NLN: variants seen among roughly 807,000 people sequenced by gnomAD.
NLN encodes the protein neurolysin.
In NLN, 64 loss-of-function variants were observed where a neutral mutation model predicts 79.9. The ratio of observed to expected loss-of-function variants is 0.80; its 90% confidence interval spans 0.65 to 0.99. The LOEUF (loss-of-function observed/expected upper bound fraction) is 0.99, where lower values mean the gene tolerates loss of function less well. Among genes scored for constraint, NLN ranks in the 50% least tolerant of loss-of-function variants. The probability of loss-of-function intolerance (pLI) is 0.00; values close to 1 mark genes in which losing one functional copy is unlikely to be tolerated. For synonymous variants in NLN, 267 were observed against 296.6 expected, an observed-to-expected ratio of 0.90 and a Z score of 1.02; for missense variants, 835 against 858.7, an observed-to-expected ratio of 0.97 and a Z score of 0.34.
At chr5:65,762,030 T>G (rs1326162451) in intron 2 of NLN, among the ~76,000 whole-genome samples, 1 of 152,222 alleles carries the variant, frequency 6.6e-6, no homozygotes, top group Non-Finnish European at 1.5e-5. Flanking sequence ...TAGTATTGGT[T>G]ATTTCACTGA....
At chr5:65,794,271 A>G (rs1760124746) in intron 9 of NLN, among the ~76,000 whole-genome samples, 1 of 152,192 alleles carries the variant, frequency 6.6e-6, no homozygotes, top group Admixed American at 6.5e-5. Flanking sequence ...CAACTTACAC[A>G]GTAGATCCTA....
rs892758620 is a variant in NLN, at chr5:65,827,301, G to A, written c.*4386G>A. 7 of 152,060 alleles carry A rather than the reference G, an allele frequency of 4.6e-5. No homozygotes were observed. Among genetic ancestry groups the A allele is most frequent in the East Asian group, 1.9e-4 (1 of 5,198 alleles). 9.4% of individuals were successfully genotyped at this position (152,060 alleles called of 1,614,324 possible). A position where few individuals can be genotyped will look rare whatever the true frequency, so the allele number is the denominator to read the frequency against. On this transcript the variant is annotated 3_prime_UTR_variant, in exon 13 of 13. Coordinates refer to ENST00000380985, the MANE Select transcript of NLN (RefSeq NM_020726.5). The stretch of plus-strand genomic sequence containing the variant: ...TCAACACATCTAGTCCACGATGTAC[G>A]TACAAGGGGAAGGGGTGAACAGGAA...
chr5:65,755,863 C>CT (rs1393025453), intron 1 of NLN, among the ~76,000 whole-genome samples: 2 of 152,142 alleles, frequency 1.3e-5, no homozygotes, highest in Non-Finnish European at 2.9e-5. Context: ...GCCTCAGCCT[C>CT]TTTTAGCTAC....
intron 1 of NLN, among the ~76,000 whole-genome samples, chr5:65,745,599 T>A (rs1758960077): frequency 6.6e-6 from 1 of 152,190 alleles, no homozygotes; most frequent in African/African-American, 2.4e-5. Flanking sequence ...TGGTGTAGTG[T>A]CTTGCAAAGG....
intron 1 of NLN, among the ~76,000 whole-genome samples, chr5:65,751,021 A>G (rs1759090306): frequency 6.6e-6 from 1 of 152,232 alleles, no homozygotes; most frequent in Admixed American, 6.5e-5. Context: ...CTGATGTAAT[A>G]GCCACACAAG....
At chr5:65,780,144 A>G (rs201331201) in intron 4 of NLN, 35 bp from the exon 5 acceptor site, 3 of 860,118 alleles carry the variant, frequency 3.5e-6, no homozygotes, top group Non-Finnish European at 5.8e-6. Flanking sequence ...GTTTCTTTTT[A>G]TTGCTAATGC....
At chr5:65,794,716 A>G (rs1760134810) in intron 9 of NLN, among the ~76,000 whole-genome samples, 1 of 152,212 alleles carries the variant, frequency 6.6e-6, no homozygotes, top group Non-Finnish European at 1.5e-5. Flanking sequence ...GGTATGAATG[A>G]CGAGCAGGAT....
At chr5:65,760,940 G>A (rs1473113284) in intron 2 of NLN, among the ~76,000 whole-genome samples, 2 of 152,132 alleles carry the variant, frequency 1.3e-5, no homozygotes, top group East Asian at 1.9e-4. Context: ...ATTTATTTTT[G>A]TGGGTTAATT....
intron 9 of NLN, among the ~76,000 whole-genome samples, chr5:65,803,902 C>T (rs1346837692): frequency 6.6e-6 from 1 of 152,244 alleles, no homozygotes; most frequent in Admixed American, 6.5e-5. Flanking sequence ...GATGGGCCAC[C>T]ACTGCCATCA....
At chr5:65,811,507 A>T (rs1760544070) in intron 11 of NLN, among the ~76,000 whole-genome samples, 1 of 151,666 alleles carries the variant, frequency 6.6e-6, no homozygotes, top group South Asian at 2.1e-4. Flanking sequence ...CCCTACAGGT[A>T]GATTGAATTG....
At chr5:65,751,405 T>C (rs982505092) in intron 1 of NLN, among the ~76,000 whole-genome samples, 1 of 152,232 alleles carries the variant, frequency 6.6e-6, no homozygotes, top group Non-Finnish European at 1.5e-5. Context: ...TCCCATCTTG[T>C]TTCAAGTATA....
chr5:65,751,535 A>G (rs1759102170), intron 1 of NLN, among the ~76,000 whole-genome samples: 1 of 152,204 alleles, frequency 6.6e-6, no homozygotes, highest in Non-Finnish European at 1.5e-5. Flanking sequence ...TATAAAACAA[A>G]CTAATTGAAT....
chr5:65,770,142 G>T (rs1054067768), intron 3 of NLN, among the ~76,000 whole-genome samples: 2 of 152,172 alleles, frequency 1.3e-5, no homozygotes, highest in African/African-American at 4.8e-5. Flanking sequence ...TGATATCTGG[G>T]CAGGGATATA....
chr5:65,809,960 G>A (rs922073825), intron 10 of NLN, 77 bp from the exon 11 acceptor site: 1 of 1,505,932 alleles, frequency 6.6e-7, no homozygotes, highest in African/African-American at 1.4e-5. Context: ...TCTGTTTTTG[G>A]AATCTACAAT....
chr5:65,729,322 G>GT (rs1193859408), intron 1 of NLN, among the ~76,000 whole-genome samples: 1,933 of 150,164 alleles, frequency 0.013, 41 homozygotes, highest in African/African-American at 0.044. Context: ...GAGCTAGGTT[G>GT]ACATTATTTG....
At chr5:65,777,729 T>C (rs1478649960) in intron 4 of NLN, among the ~76,000 whole-genome samples, 195 bp downstream of exon 4, 1 of 152,084 alleles carries the variant, frequency 6.6e-6, no homozygotes, top group African/African-American at 2.4e-5. Context: ...CTGGTAATAA[T>C]GGGAATATTC....
intron 9 of NLN, 83 bp from the exon 10 acceptor site, chr5:65,809,432 G>C (rs1760491497): frequency 8.3e-7 from 1 of 1,211,498 alleles, no homozygotes; most frequent in Non-Finnish European, 1.2e-6. Flanking sequence ...TCTGCCTTAA[G>C]TTTTCGTGAC....
chr5:65,774,122 C>T (rs1217850537), intron 3 of NLN, among the ~76,000 whole-genome samples: 6 of 148,266 alleles, frequency 4.0e-5, no homozygotes, highest in Non-Finnish European at 7.4e-5. Flanking sequence ...ATCATTTAAC[C>T]TCAGTTTTCT....
intron 12 of NLN, among the ~76,000 whole-genome samples, chr5:65,819,141 A>G (rs1760736941): frequency 6.6e-6 from 1 of 152,116 alleles, no homozygotes; most frequent in Non-Finnish European, 1.5e-5. Context: ...GCCTTTCTTT[A>G]GCTTTATTAG....
Sources: gnomAD v4.1 joint callset for allele counts (sites outside exome capture counted in the v4.1 genomes callset) on GRCh38, gnomAD v4.1.1 for gene constraint, MANE v1.5 for transcripts, NCBI Gene and HGNC (gene_info 2026-07-23, HGNC 2026-07-21) for gene names.